The following MIA2 variants were observed in gnomAD, a reference collection of about 807,000 sequenced individuals.
The protein encoded by MIA2 is MIA SH3 domain ER export factor 2, also known as melanoma inhibitory activity protein 2.
Under a neutral mutation model 167.8 loss-of-function variants are expected in MIA2, and 127 were observed. The observed-to-expected ratio is 0.76, with a 90% confidence interval of 0.66 to 0.88. MIA2 has a LOEUF of 0.88. Among genes scored for constraint, MIA2 ranks in the 40% least tolerant of loss-of-function variants. MIA2 has a pLI of 0.00. For missense variants in MIA2, 1,690 were observed against 1,624.7 expected (o/e 1.04, Z -0.69); for synonymous variants, 552 against 541.9 (o/e 1.02, Z -0.26).
In MIA2 at chr14:39,302,115, T is replaced by C; in HGVS notation, c.2620-14T>C. On this transcript the variant is annotated splice_polypyrimidine_tract_variant and intron_variant, in intron 14 of 28. Transcript: ENST00000640607. ...CATTACCCTCTCTATTTTTCCCCTT[T>C]GTTCAATGTCAAGACTCTGACTGAA... 6.2e-7 allele frequency: 1 copy of C among 1,612,158 alleles called. No homozygotes were observed. The highest frequency in any genetic ancestry group is 8.5e-7 in the Non-Finnish European group (1 of 1,178,894).
intron 14 of MIA2, among the ~76,000 whole-genome samples, chr14:39,301,254 C>T (rs551351456): frequency 2.6e-5 from 4 of 152,022 alleles, no homozygotes; most frequent in African/African-American, 4.8e-5. Flanking sequence ...AGTAAAGACG[C>T]GGTTTCACCA....
At position 39,247,727 on chromosome 14, in the gene MIA2, C is replaced by A; in HGVS notation, c.1153C>A (p.Leu385Ile). ...PSWFDFGFAI[L>I]GFAYAKEDKI... ...TTGGTTTGATTTTGGTTTTGCTATA[C>A]TAGGCTTTGCATATGCCAAGGAAGA... is the stretch of plus-strand genomic sequence containing the variant. The change falls in exon 4 of 29, where the codon CTA becomes ATA. Residue 385 changes from leucine (L) to isoleucine (I), a missense_variant. Physicochemically the swap from Leu to Ile is conservative, Grantham distance 5 (BLOSUM62 2). Coordinates refer to ENST00000640607, the MANE Select transcript of MIA2 (RefSeq NM_001329214.4). 1 of 1,613,020 alleles carries A rather than the reference C, an allele frequency of 6.2e-7. No homozygotes were observed. Among genetic ancestry groups the A allele is most frequent in the Non-Finnish European group, 8.5e-7 (1 of 1,179,796 alleles).
chr14:39,304,470 G>C, intron 17 of MIA2, 89 bp downstream of exon 17: 1 of 685,752 alleles, frequency 1.5e-6, no homozygotes, highest in Non-Finnish European at 2.3e-6. Context: ...AATTAACTTT[G>C]GGAAGATCCA....
rs576919540 is a variant in MIA2 at position 39,241,022 on chromosome 14, A to G, written c.336+375A>G. ...AGTATAATATAGTGCTACCTTACAT[A>G]TATTGAAGAATAAATGAGTATATGT... On this transcript the variant is annotated intron_variant, in intron 3 of 28. Transcript: ENST00000640607. Among the ~76,000 whole-genome samples the G allele has an allele frequency of 1.2e-4, 19 of 152,320 alleles. No homozygotes were observed. The South Asian group carries it at 3.5e-3, about 28-fold the overall frequency.
intron 3 of MIA2, among the ~76,000 whole-genome samples, chr14:39,244,071 C>A (rs2054182042): frequency 6.6e-6 from 1 of 152,352 alleles, no homozygotes; most frequent in Non-Finnish European, 1.5e-5. Context: ...TGCATTGCAT[C>A]TTTCTGGCTA....
chr14:39,369,529 G>A (rs1280028683), intron 23 of MIA2, among the ~76,000 whole-genome samples: 2 of 152,222 alleles, frequency 1.3e-5, no homozygotes, highest in Non-Finnish European at 2.9e-5. Context: ...CCTGGTAACA[G>A]ATTCTAGGCT....
At chr14:39,291,524 G>A (rs2152825104) in intron 10 of MIA2, among the ~76,000 whole-genome samples, 1 of 152,320 alleles carries the variant, frequency 6.6e-6, no homozygotes, top group East Asian at 1.9e-4. Context: ...TTTTCATCCT[G>A]AGGATATTAA....
At chr14:39,374,207 G>C (rs1324891419) in intron 23 of MIA2, among the ~76,000 whole-genome samples, 1 of 152,206 alleles carries the variant, frequency 6.6e-6, no homozygotes, top group African/African-American at 2.4e-5. Flanking sequence ...ATTTCTCAGA[G>C]TTGATGAAAA....
intron 3 of MIA2, 24 bp downstream of exon 3, chr14:39,240,671 T>A (rs776829441): frequency 1.3e-6 from 2 of 1,540,188 alleles, no homozygotes; most frequent in Non-Finnish European, 1.8e-6. Flanking sequence ...TTCTCAGTTG[T>A]TAATTGAATT....
At chr14:39,268,807 A>G (rs2056535982) in intron 6 of MIA2, among the ~76,000 whole-genome samples, 1 of 152,212 alleles carries the variant, frequency 6.6e-6, no homozygotes, top group Non-Finnish European at 1.5e-5. Flanking sequence ...GAGCTAAAAT[A>G]TGTTTGACTT....
chr14:39,275,433 T>C lies in MIA2; in HGVS notation c.1888-1501T>C, dbSNP rs990673290. 2.0e-5 allele frequency among the ~76,000 whole-genome samples: 3 copies of C among 152,318 alleles called. No individual in the cohort carries two copies. The East Asian group carries it at 5.8e-4, about 29-fold the overall frequency. ...TGGCATGAGCCACTGCGCCCGGCCC[T>C]AGCTCAATGCTTTAAACTAGAATTT... On this transcript the variant is annotated intron_variant, in intron 6 of 28. Transcript: ENST00000640607.
chr14:39,251,390 CAT>C (rs1406273443), intron 4 of MIA2, among the ~76,000 whole-genome samples: 1 of 140,786 alleles, frequency 7.1e-6, no homozygotes, highest in African/African-American at 3.2e-5. Context: ...ATGATAAAAG[CAT>C]ATCTGTATTT....
intron 3 of MIA2, among the ~76,000 whole-genome samples, chr14:39,243,958 T>C (rs2054177026): frequency 1.3e-5 from 2 of 152,194 alleles, no homozygotes; most frequent in Admixed American, 6.5e-5. Flanking sequence ...GATAGCCCTG[T>C]AGAGATATGA....
rs1258124151 is a variant in MIA2, at chr14:39,248,091, C to A, written c.1517C>A (p.Pro506His). Residue 506 changes from proline (P) to histidine (H), a missense_variant, in exon 4 of 29, where the codon CCC (proline) becomes CAC (histidine). Physicochemically the swap from Pro to His is moderately conservative, Grantham distance 77. Coordinates refer to ENST00000640607, the MANE Select transcript of MIA2 (RefSeq NM_001329214.4). Reference protein sequence around the residue: ...ETGEFSIDNYPTDNTKVMIFK... With the variant: ...ETGEFSIDNYHTDNTKVMIFK... Reference sequence around the variant, plus strand: ...GGAGAATTTTCCATTGATAATTATCCCACAGATAATACAAAAGTTATGATA... The same window carrying A: ...GGAGAATTTTCCATTGATAATTATCACACAGATAATACAAAAGTTATGATA... 1 of 1,549,188 alleles carries A rather than the reference C, an allele frequency of 6.5e-7. No homozygotes were observed. Among genetic ancestry groups the A allele is most frequent in the Non-Finnish European group, 8.7e-7 (1 of 1,152,536 alleles).
chr14:39,279,548 T>G lies in MIA2; in HGVS notation c.2130+11T>G. Reference sequence around the variant, plus strand: ...CTTGTTCAAAAAGAGGTAAGATATTTTTGAAAATAATATTCATGTTAGAGT... The same window carrying G: ...CTTGTTCAAAAAGAGGTAAGATATTGTTGAAAATAATATTCATGTTAGAGT... On this transcript the variant is annotated intron_variant, in intron 9 of 28. Transcript: ENST00000640607. The G allele has an allele frequency of 6.5e-7, 1 of 1,543,840 alleles. No homozygotes were observed. The highest frequency in any genetic ancestry group is 1.2e-5 in the South Asian group (1 of 85,596).
At chr14:39,384,370 A>C (rs910809174) in intron 23 of MIA2, among the ~76,000 whole-genome samples, 1 of 152,158 alleles carries the variant, frequency 6.6e-6, no homozygotes, top group Non-Finnish European at 1.5e-5. Flanking sequence ...ATTACTTCTC[A>C]TTGACAATGC....
intron 3 of MIA2, among the ~76,000 whole-genome samples, chr14:39,241,835 C>T (rs993781300): frequency 6.6e-6 from 1 of 152,208 alleles, no homozygotes; most frequent in Non-Finnish European, 1.5e-5. Context: ...ATGATCTGCT[C>T]CTGCCTCCTT....
chr14:39,268,226 G>T (rs954020332), intron 6 of MIA2, among the ~76,000 whole-genome samples: 1 of 151,994 alleles, frequency 6.6e-6, no homozygotes, highest in Non-Finnish European at 1.5e-5. Context: ...TTAAAAACTG[G>T]ATTAAATCTT....
chr14:39,349,015 G>A (rs1351162665), intron 28 of MIA2, 38 bp downstream of exon 28: 2 of 1,584,252 alleles, frequency 1.3e-6, no homozygotes, highest in Non-Finnish European at 8.7e-7. Flanking sequence ...AGCTCAATAT[G>A]TGGTTTATTA....
Sources: allele counts gnomAD v4.1 joint callset (sites outside exome capture counted in the v4.1 genomes callset), GRCh38; gene constraint gnomAD v4.1.1; transcripts MANE v1.5; gene names NCBI Gene and HGNC (gene_info 2026-07-23, HGNC 2026-07-21).